Variants in ITSN2 observed in about 807,000 individuals in gnomAD.
ITSN2 encodes intersectin-2.
In ITSN2, 156 loss-of-function variants were observed where a neutral mutation model predicts 243.7. That is an observed-to-expected ratio of 0.64 (90% CI 0.56 to 0.73). ITSN2 has a LOEUF of 0.73. Ranked by LOEUF, ITSN2 falls within the 30% of genes least tolerant of loss-of-function variation. The probability of loss-of-function intolerance (pLI) is 0.00; values close to 1 mark genes in which losing one functional copy is unlikely to be tolerated. For missense variants in ITSN2, 1,801 were observed against 1,996.1 expected (o/e 0.90, Z 1.86); for synonymous variants, 703 against 699.9 (o/e 1.00, Z -0.07).
intron 29 of ITSN2, among the ~76,000 whole-genome samples, chr2:24,237,324 T>A (rs1672273440): frequency 6.6e-6 from 1 of 151,404 alleles, no homozygotes; most frequent in Non-Finnish European, 1.5e-5. Flanking sequence ...CATTATTTTT[T>A]AAAAATCATG....
At position 24,227,072 on chromosome 2, in the gene ITSN2, T is replaced by C. The variant is rs575170630; in HGVS notation, c.3578-6006A>G. Among the ~76,000 whole-genome samples, 46 of 151,954 alleles carry C rather than the reference T, an allele frequency of 3.0e-4. No homozygotes were observed. The South Asian group carries it at 6.0e-3, about 20-fold the overall frequency. The stretch of plus-strand genomic sequence containing the variant: ...CAGAGGCTGCAGTGAGCTGAGATCG[T>C]GTCACTGCACTCCAGCCTGGGCGAT... On this transcript the variant is annotated intron_variant, in intron 29 of 39. Coordinates refer to ENST00000355123, the MANE Select transcript of ITSN2 (RefSeq NM_006277.3).
chr2:24,347,816 A>G (rs1687683569), intron 1 of ITSN2, among the ~76,000 whole-genome samples: 1 of 152,088 alleles, frequency 6.6e-6, no homozygotes, highest in Non-Finnish European at 1.5e-5. Context: ...TAATGTTTGT[A>G]ATCCTAGCGC....
At chr2:24,288,914 G>C (rs987477554) in intron 15 of ITSN2, among the ~76,000 whole-genome samples, 1 of 152,022 alleles carries the variant, frequency 6.6e-6, no homozygotes, top group Non-Finnish European at 1.5e-5. Flanking sequence ...AAATCATACC[G>C]TATTTGTCTT....
intron 28 of ITSN2, 139 bp downstream of exon 28, chr2:24,246,658 C>G: frequency 1.6e-6 from 1 of 611,852 alleles, no homozygotes; most frequent in Non-Finnish European, 2.8e-6. Flanking sequence ...AAAGGAAATT[C>G]TCAGTGGCAT....
chr2:24,276,290 T>C (rs1414880933), intron 17 of ITSN2, among the ~76,000 whole-genome samples: 1 of 152,236 alleles, frequency 6.6e-6, no homozygotes, highest in Non-Finnish European at 1.5e-5. Flanking sequence ...AATTATTAAA[T>C]AATTTAGTTC....
chr2:24,248,590 T>C (rs775980876), intron 27 of ITSN2, 39 bp downstream of exon 27: 4 of 1,532,534 alleles, frequency 2.6e-6, no homozygotes, highest in Non-Finnish European at 3.5e-6. Context: ...TGCAGTACTT[T>C]TATAATAAAA....
rs1283817758 is a variant in ITSN2 at position 24,252,496 on chromosome 2, T to C, written c.2969A>G (p.Tyr990Cys). 2.5e-6 allele frequency: 4 copies of C among 1,610,572 alleles called. No homozygotes were observed. Among genetic ancestry groups the C allele is most frequent in the African/African-American group, 1.3e-5 (1 of 74,822 alleles). The change falls in exon 25 of 40, where the codon TAT becomes TGT. Residue 990 changes from tyrosine (Y) to cysteine (C), a missense_variant. Transcript: ENST00000355123. The stretch of plus-strand genomic sequence containing the variant: ...TCCAGGTTCCACACTTGAATATGGA[T>C]AAAGTGCAATATATTCTGTAGGGAA... Reference protein sequence around the residue: ...YSVGEEYIALYPYSSVEPGDL... With the variant: ...YSVGEEYIALCPYSSVEPGDL...
chr2:24,304,464 T>A lies in ITSN2; in HGVS notation c.794-602A>T, dbSNP rs562809437. Among the ~76,000 whole-genome samples, 226 of 152,332 alleles carry A rather than the reference T, an allele frequency of 1.5e-3. 1 individual carries two copies. Among genetic ancestry groups the A allele is most frequent in the African/African-American group, 5.1e-3 (213 of 41,572 alleles). ...CAACATGCAGCTAAATGTTTATATTTTATAACTTTTAAAATATTTTCATTC... is the reference window on the plus strand; with the variant it reads ...CAACATGCAGCTAAATGTTTATATTATATAACTTTTAAAATATTTTCATTC... On this transcript the variant is annotated intron_variant, in intron 8 of 39. Coordinates refer to ENST00000355123, the MANE Select transcript of ITSN2 (RefSeq NM_006277.3).
chr2:24,357,794 CTTG>C (rs1688585265), intron 1 of ITSN2, among the ~76,000 whole-genome samples: 1 of 152,262 alleles, frequency 6.6e-6, no homozygotes, highest in African/African-American at 2.4e-5. Context: ...ATTTCTGGAA[CTTG>C]TTAATATAAA....
rs376517605 is a variant in ITSN2 at position 24,298,688 on chromosome 2, G to A, written c.1471C>T (p.Leu491Phe). Residue 491 changes from leucine (L) to phenylalanine (F), a missense_variant, in exon 13 of 40, where the codon CTT becomes TTT. Leu to Phe is a conservative substitution (Grantham distance 22). Coordinates refer to ENST00000355123, the MANE Select transcript of ITSN2 (RefSeq NM_006277.3). The stretch of plus-strand genomic sequence containing the variant: ...ACCAGTGCTTCCAACTCAAGATGAA[G>A]ATTCTTCTTTTTAGAGTTTAACCTG... ...IVRLNSKKKN[L>F]HLELEALNGK... 1 of 1,603,268 alleles carries A rather than the reference G, an allele frequency of 6.2e-7. No individual in the cohort carries two copies. Among genetic ancestry groups the A allele is most frequent in the Non-Finnish European group, 8.5e-7 (1 of 1,177,084 alleles).
rs1477549111 is a variant in ITSN2 at position 24,312,201 on chromosome 2, T to C, written c.352+11A>G. The C allele has an allele frequency of 6.3e-7, 1 of 1,595,496 alleles. No individual in the cohort carries two copies. The highest frequency in any genetic ancestry group is 1.7e-5 in the Admixed American group (1 of 58,196). On this transcript the variant is annotated intron_variant, in intron 5 of 39. Transcript: ENST00000355123. ...TAGCAAATACAGGTATTTAAATTAA[T>C]ACATACTTACCAAAACGAGCAGAAA...
At chr2:24,205,857 T>A (rs1410885816) in intron 37 of ITSN2, among the ~76,000 whole-genome samples, 1 of 152,240 alleles carries the variant, frequency 6.6e-6, no homozygotes, top group African/African-American at 2.4e-5. Context: ...TTAAACTGCA[T>A]AATTACCTGA....
At position 24,264,963 on chromosome 2, in the gene ITSN2, G is replaced by A. The variant is rs573710960; in HGVS notation, c.2356-3221C>T. 1.8e-4 allele frequency among the ~76,000 whole-genome samples: 27 copies of A among 151,480 alleles called. No individual in the cohort carries two copies. The South Asian group carries it at 5.2e-3, about 29-fold the overall frequency. ...AAAAACAAAGCCTGCTGAGATTTTT[G>A]TTGTTGTTGTAGAGATGAGGTCTTG... On this transcript the variant is annotated intron_variant, in intron 20 of 39. Coordinates refer to ENST00000355123, the MANE Select transcript of ITSN2 (RefSeq NM_006277.3).
At chr2:24,220,605 GC>G (rs1437486171) in intron 30 of ITSN2, 2 of 1,169,934 alleles carry the variant, frequency 1.7e-6, no homozygotes, top group Non-Finnish European at 1.1e-6. Flanking sequence ...GCTACGGTCT[GC>G]CATAGGCCCT....
intron 1 of ITSN2, among the ~76,000 whole-genome samples, chr2:24,353,404 C>T (rs1011097749): frequency 1.3e-5 from 2 of 152,094 alleles, no homozygotes; most frequent in Non-Finnish European, 2.9e-5. Flanking sequence ...TGAGGCCAGC[C>T]TGGGAAACAT....
chr2:24,310,815 C>T, intron 5 of ITSN2, 123 bp from the exon 6 acceptor site: 1 of 749,962 alleles, frequency 1.3e-6, no homozygotes, highest in Admixed American at 2.6e-5. Flanking sequence ...ATGAATTATC[C>T]TTAAAAAACT....
At chr2:24,338,505 T>C (rs1020587492) in intron 1 of ITSN2, among the ~76,000 whole-genome samples, 3 of 152,246 alleles carry the variant, frequency 2.0e-5, no homozygotes, top group Non-Finnish European at 4.4e-5. Flanking sequence ...TGGCTCAGAA[T>C]AAATCTCTTC....
At chr2:24,335,489 T>C (rs964525301) in intron 1 of ITSN2, among the ~76,000 whole-genome samples, 4 of 152,240 alleles carry the variant, frequency 2.6e-5, no homozygotes, top group African/African-American at 9.6e-5. Flanking sequence ...TGTACCACCA[T>C]GCTCAGCTAA....
At chr2:24,345,857 T>C (rs1386315625) in intron 1 of ITSN2, among the ~76,000 whole-genome samples, 2 of 152,200 alleles carry the variant, frequency 1.3e-5, no homozygotes, top group Non-Finnish European at 2.9e-5. Context: ...CTTTTATGAC[T>C]AGTGAGTGTC....
Sources: gnomAD v4.1 joint callset for allele counts (sites outside exome capture counted in the v4.1 genomes callset) on GRCh38, gnomAD v4.1.1 for gene constraint, MANE v1.5 for transcripts, NCBI Gene and HGNC (gene_info 2026-07-23, HGNC 2026-07-21) for gene names.